OTULIN: variants seen among roughly 807,000 people sequenced by gnomAD.
OTULIN encodes the protein OTU deubiquitinase with linear linkage specificity, also known as ubiquitin thioesterase otulin.
In OTULIN, 15 loss-of-function variants were observed where a neutral mutation model predicts 39.6. That is an observed-to-expected ratio of 0.38 (90% confidence interval 0.25 to 0.58). The LOEUF (loss-of-function observed/expected upper bound fraction) is 0.58, where lower values mean the gene tolerates loss of function less well. Ranked by LOEUF, OTULIN falls within the 20% of genes least tolerant of loss-of-function variation. OTULIN has a pLI of 0.66. For missense variants in OTULIN, 319 were observed against 445.9 expected, an observed-to-expected ratio of 0.72 and a Z score of 2.56; for synonymous variants, 156 against 170.3, an observed-to-expected ratio of 0.92 and a Z score of 0.65.
chr5:14,694,882 C>G lies in OTULIN; in HGVS notation c.*1834C>G, dbSNP rs1579980727. The G allele has an allele frequency of 6.6e-6, 1 of 152,626 alleles. No individual in the cohort carries two copies. The highest frequency in any genetic ancestry group is 2.4e-5 in the African/African-American group (1 of 41,448). The allele number at this position is 152,626 out of a possible 1,614,324, so 9.5% of individuals were successfully genotyped here. Reference sequence around the variant, plus strand: ...TTTCATTGCAGTATATGGGATTGTACAGCAGGAAATGCTTATCATTAATTT... The same window carrying G: ...TTTCATTGCAGTATATGGGATTGTAGAGCAGGAAATGCTTATCATTAATTT... On this transcript the variant is annotated 3_prime_UTR_variant, in exon 7 of 7. Transcript: ENST00000284274.
rs1215662932 is a variant in OTULIN, at chr5:14,699,745, C to T, written c.*6697C>T. 2.0e-5 allele frequency: 3 copies of T among 152,190 alleles called. No homozygotes were observed. The highest frequency in any genetic ancestry group is 4.8e-5 in the African/African-American group (2 of 41,428). 9.4% of individuals were successfully genotyped at this position (152,190 alleles called of 1,614,324 possible). On this transcript the variant is annotated 3_prime_UTR_variant, in exon 7 of 7. Transcript: ENST00000284274. ...TGTTTAGAACGAGAAGTTGTTTGTA[C>T]AGTATTTTTCTATTGACCGCTTCCG...
chr5:14,703,741 G>A (rs567009605), downstream of OTULIN, among the ~76,000 whole-genome samples: 1 of 152,302 alleles, frequency 6.6e-6, no homozygotes, highest in South Asian at 2.1e-4. Context: ...CTGACCCTAT[G>A]CCATGGACAT....
At chr5:14,705,505 T>C in the OTULIN span, 1 of 152,236 alleles carries the variant, frequency 6.6e-6, no homozygotes, top group South Asian at 2.1e-4. Flanking sequence ...AGCCTCCAGC[T>C]TGAATACACT....
intron 1 of OTULIN, among the ~76,000 whole-genome samples, chr5:14,665,816 C>T (rs1194350392): frequency 1.3e-5 from 2 of 152,098 alleles, no homozygotes; most frequent in African/African-American, 4.8e-5. Flanking sequence ...CTTTGGAGGC[C>T]TGTTAGGTAG....
At chr5:14,669,388 T>C (rs1263871026) in intron 1 of OTULIN, among the ~76,000 whole-genome samples, 3 of 152,170 alleles carry the variant, frequency 2.0e-5, no homozygotes. Flanking sequence ...TAGGTAAATA[T>C]TGTTTAATAG....
In OTULIN at chr5:14,690,918, TAAGTG is replaced by T. The variant is rs924199393; in HGVS notation, c.864+615_864+619del. ...ACTCTTGGCTCTGGGAGGCTACAAA[TAAGTG>T]AAGTACTTGGAAGAGCCATTCGAAG... On this transcript the variant is annotated intron_variant, in intron 6 of 6. Coordinates refer to ENST00000284274, the MANE Select transcript of OTULIN (RefSeq NM_138348.6). This position sits in a 1 kb window ranked among gnomAD's most constrained non-coding sequence, Gnocchi z 4.5. 2.6e-5 allele frequency among the ~76,000 whole-genome samples: 4 copies of T among 152,198 alleles called. No individual in the cohort carries two copies. Among genetic ancestry groups the T allele is most frequent in the African/African-American group, 9.7e-5 (4 of 41,450 alleles).
Position 14,681,863 on chromosome 5 carries a change from A to T in OTULIN, c.468+256A>T, listed in dbSNP as rs150286460. 2.3e-4 allele frequency among the ~76,000 whole-genome samples: 35 copies of T among 152,366 alleles called. 1 individual carries two copies. The highest frequency in any genetic ancestry group is 1.5e-5 in the Non-Finnish European group (1 of 68,034). On this transcript the variant is annotated intron_variant, in intron 4 of 6. Transcript: ENST00000284274. ...TAGAGAGCAGATGTTTGTATAAAGCACTTAGGAACAGTTCGATTTCAATTT... is the reference window on the plus strand; with the variant it reads ...TAGAGAGCAGATGTTTGTATAAAGCTCTTAGGAACAGTTCGATTTCAATTT...
chr5:14,678,319 A>G (rs529513285), intron 2 of OTULIN, among the ~76,000 whole-genome samples: 12 of 152,214 alleles, frequency 7.9e-5, no homozygotes, highest in African/African-American at 2.4e-4. Context: ...AGCAGAGACC[A>G]GAGAGGCAGA....
At chr5:14,713,035 T>C in the OTULIN span, 3 of 1,494,594 alleles carry the variant, frequency 2.0e-6, no homozygotes, top group Non-Finnish European at 2.8e-6. This position sits in a 1 kb window ranked among gnomAD's most constrained non-coding sequence, Gnocchi z 4.4. Flanking sequence ...CAACCGTCGA[T>C]GCCAAAACCC....
chr5:14,676,944 T>TCCC (rs35715175), intron 2 of OTULIN, among the ~76,000 whole-genome samples: 1 of 152,182 alleles, frequency 6.6e-6, no homozygotes, highest in Non-Finnish European at 1.5e-5. Flanking sequence ...GTCTTTGTGG[T>TCCC]CCCTGTATAT....
the OTULIN span, chr5:14,713,110 AG>A: frequency 3.5e-6 from 3 of 857,702 alleles, no homozygotes; most frequent in South Asian, 1.5e-5. This position sits in a 1 kb window ranked among gnomAD's most constrained non-coding sequence, Gnocchi z 4.4. Context: ...TGGCTTCGTA[AG>A]GGCCGCAGCT....
intron 5 of OTULIN, among the ~76,000 whole-genome samples, chr5:14,689,501 T>A (rs1736469350): frequency 6.6e-6 from 1 of 152,208 alleles, no homozygotes; most frequent in South Asian, 2.1e-4. Context: ...TAATCCGGAG[T>A]CAAGAGTTTC....
chr5:14,678,919 A>G (rs1274889922), intron 3 of OTULIN, 144 bp downstream of exon 3: 1 of 513,090 alleles, frequency 1.9e-6, no homozygotes, highest in Non-Finnish European at 3.4e-6. Context: ...AGTTAAGGAA[A>G]TAGACTCCAA....
At position 14,694,639 on chromosome 5, in the gene OTULIN, CTG is replaced by C. The variant is rs1736619974; in HGVS notation, c.*1593_*1594del. On this transcript the variant is annotated 3_prime_UTR_variant, in exon 7 of 7. Transcript: ENST00000284274. ...CTCAGGATGCACAAAACTATTCAGA[CTG>C]TTACTTTAGCTTTCTCCCATTACCT... is the stretch of plus-strand genomic sequence containing the variant. The C allele has an allele frequency of 2.6e-5, 4 of 152,700 alleles. No homozygotes were observed. The highest frequency in any genetic ancestry group is 2.0e-4 in the Admixed American group (3 of 15,296). The allele number at this position is 152,700 out of a possible 1,614,324, so 9.5% of individuals were successfully genotyped here.
downstream of OTULIN, among the ~76,000 whole-genome samples, chr5:14,700,104 G>A (rs541147081): frequency 3.3e-5 from 5 of 152,186 alleles, no homozygotes; most frequent in Admixed American, 2.0e-4. Context: ...TTTCATTTGC[G>A]TAAACCATTT....
At chr5:14,688,376 T>TC (rs1326621731) in intron 5 of OTULIN, among the ~76,000 whole-genome samples, 1 of 152,126 alleles carries the variant, frequency 6.6e-6, no homozygotes, top group Non-Finnish European at 1.5e-5. Flanking sequence ...AACATGGACT[T>TC]TTCAAGGTCC....
rs565466154 is a variant in OTULIN at position 14,695,902 on chromosome 5, A to G, written c.*2854A>G. 4 of 152,106 alleles carry G rather than the reference A, an allele frequency of 2.6e-5. No homozygotes were observed. Among genetic ancestry groups the G allele is most frequent in the East Asian group, 1.9e-4 (1 of 5,176 alleles). The allele number at this position is 152,106 out of a possible 1,614,324, so 9.4% of individuals were successfully genotyped here. A position where few individuals can be genotyped will look rare whatever the true frequency, so the allele number is the denominator to read the frequency against. On this transcript the variant is annotated 3_prime_UTR_variant, in exon 7 of 7. Coordinates refer to ENST00000284274, the MANE Select transcript of OTULIN (RefSeq NM_138348.6). ...AGGATGAATCCTTTTTTCTTTATTTAGCGATTTACACTTTTGTTACTCTAT... is the reference window on the plus strand; with the variant it reads ...AGGATGAATCCTTTTTTCTTTATTTGGCGATTTACACTTTTGTTACTCTAT...
chr5:14,716,515 T>TAAAA, the OTULIN span, among the ~76,000 whole-genome samples: 1 of 151,026 alleles, frequency 6.6e-6, no homozygotes, highest in African/African-American at 2.4e-5. Context: ...AATAAATAAA[T>TAAAA]AAAATAAAAA....
the OTULIN span, chr5:14,712,821 C>A: frequency 6.6e-7 from 1 of 1,521,600 alleles, no homozygotes; most frequent in East Asian, 2.4e-5. Context: ...CTCAGGTTCT[C>A]CTGCACCCAG....
Sources: gnomAD v4.1 joint callset for allele counts (sites outside exome capture counted in the v4.1 genomes callset) on GRCh38, gnomAD v4.1.1 for gene constraint, Gnocchi (gnomAD v3.1) non-coding constraint, MANE v1.5 for transcripts, NCBI Gene and HGNC (gene_info 2026-07-23, HGNC 2026-07-21) for gene names.